Variants in ASIC2 observed in about 807,000 individuals in gnomAD.
The protein encoded by ASIC2 is acid-sensing ion channel 2.
In ASIC2, 25 loss-of-function variants were observed where a neutral mutation model predicts 57.3. The observed-to-expected ratio is 0.44, with a 90% CI of 0.32 to 0.61. ASIC2 has a LOEUF of 0.61. ASIC2 is among the 20% of genes least tolerant of loss of function. The pLI is 0.06. For missense variants in ASIC2, 641 were observed against 738.1 expected, an observed-to-expected ratio of 0.87 and a Z score of 1.52; for synonymous variants, 319 against 307.5, an observed-to-expected ratio of 1.04 and a Z score of -0.39.
chr17:33,800,247 C>A (rs897520888), intron 1 of ASIC2, among the ~76,000 whole-genome samples: 5 of 152,126 alleles, frequency 3.3e-5, no homozygotes, highest in South Asian at 4.1e-4. Flanking sequence ...TTCCGATTTC[C>A]TAAAGAAGTT....
chr17:33,534,807 A>G (rs1347632876), intron 1 of ASIC2, among the ~76,000 whole-genome samples: 1 of 152,172 alleles, frequency 6.6e-6, no homozygotes, highest in Admixed American at 6.5e-5. Context: ...TGCTCTTACT[A>G]TTTGGCCTCA....
Position 33,529,416 on chromosome 17 carries a change from C to T in ASIC2, c.556-417349G>A, listed in dbSNP as rs564352713. 5.6e-4 allele frequency among the ~76,000 whole-genome samples: 86 copies of T among 152,274 alleles called. 2 individuals are homozygous for T. The South Asian group carries it at 6.2e-3, about 11-fold the overall frequency. ...TCTTCATGTGTGCTCCCTGGGCCAGCGGCATCAGCATCAACATCACCTGGG... is the reference window on the plus strand; with the variant it reads ...TCTTCATGTGTGCTCCCTGGGCCAGTGGCATCAGCATCAACATCACCTGGG... On this transcript the variant is annotated intron_variant, in intron 1 of 9. Transcript: ENST00000359872.
intron 1 of ASIC2, among the ~76,000 whole-genome samples, chr17:33,647,441 C>G (rs1253726132): frequency 6.6e-6 from 1 of 152,178 alleles, no homozygotes; most frequent in Non-Finnish European, 1.5e-5. Flanking sequence ...TTGCACCACA[C>G]CCCAAGACGC....
intron 1 of ASIC2, among the ~76,000 whole-genome samples, chr17:33,613,484 C>G (rs1905484756): frequency 6.6e-6 from 1 of 151,754 alleles, no homozygotes; most frequent in African/African-American, 2.4e-5. Flanking sequence ...CCTGCCTCAG[C>G]CTCACGAGTA....
At chr17:33,115,729 A>T (rs1011317831) in intron 1 of ASIC2, among the ~76,000 whole-genome samples, 1 of 152,140 alleles carries the variant, frequency 6.6e-6, no homozygotes, top group African/African-American at 2.4e-5. Context: ...TTTCCATTAT[A>T]GTGTCTATCA....
At chr17:33,584,859 T>C (rs182733321) in intron 1 of ASIC2, among the ~76,000 whole-genome samples, 1 of 152,026 alleles carries the variant, frequency 6.6e-6, no homozygotes, top group East Asian at 1.9e-4. Context: ...GAAAGACCCA[T>C]GAGAGAGACA....
intron 1 of ASIC2, among the ~76,000 whole-genome samples, chr17:33,413,455 GCTGCCCA>G (rs1910733162): frequency 6.6e-6 from 1 of 152,146 alleles, no homozygotes; most frequent in African/African-American, 2.4e-5. Context: ...ATCTCTCCAA[GCTGCCCA>G]CTTCTCTCCC....
chr17:34,068,071 C>A, intron 1 of ASIC2, among the ~76,000 whole-genome samples: 1 of 152,198 alleles, frequency 6.6e-6, no homozygotes, highest in East Asian at 1.9e-4. Flanking sequence ...TTTCAAAAGG[C>A]AGACCAAGAA....
At chr17:33,214,290 C>T (rs533998264) in intron 1 of ASIC2, among the ~76,000 whole-genome samples, 42 of 152,176 alleles carry the variant, frequency 2.8e-4, no homozygotes, top group African/African-American at 8.7e-4. Flanking sequence ...TTGGCTGTCT[C>T]CTCCCCAAGA....
At chr17:33,992,814 G>A (rs943163863) in intron 1 of ASIC2, among the ~76,000 whole-genome samples, 2 of 152,204 alleles carry the variant, frequency 1.3e-5, no homozygotes, top group South Asian at 2.1e-4. Context: ...TAATAAGAAC[G>A]TAGTTGAGAT....
At chr17:34,035,096 C>G (rs1273726004) in intron 1 of ASIC2, among the ~76,000 whole-genome samples, 1 of 150,680 alleles carries the variant, frequency 6.6e-6, no homozygotes, top group Non-Finnish European at 1.5e-5. Context: ...ATCACGCTAC[C>G]TGACTTCAAA....
intron 1 of ASIC2, among the ~76,000 whole-genome samples, chr17:33,602,295 T>C (rs1309309394): frequency 6.6e-6 from 1 of 152,228 alleles, no homozygotes; most frequent in Non-Finnish European, 1.5e-5. Context: ...TAATCCTTAA[T>C]GCAACGGTGT....
intron 1 of ASIC2, among the ~76,000 whole-genome samples, chr17:33,984,834 A>C (rs1905759551): frequency 6.6e-6 from 1 of 152,226 alleles, no homozygotes; most frequent in South Asian, 2.1e-4. Context: ...GATGTTTCTG[A>C]GCACAAGAGT....
At chr17:33,871,281 A>C (rs1914398394) in intron 1 of ASIC2, among the ~76,000 whole-genome samples, 1 of 152,224 alleles carries the variant, frequency 6.6e-6, no homozygotes, top group Admixed American at 6.5e-5. Flanking sequence ...GCAGCAAGTT[A>C]ACACCTTGAA....
chr17:33,861,637 T>C (rs533970866), intron 1 of ASIC2, among the ~76,000 whole-genome samples: 1 of 152,334 alleles, frequency 6.6e-6, no homozygotes, highest in East Asian at 1.9e-4. Flanking sequence ...AGCCTACCTC[T>C]TTTCTTCCCA....
At chr17:33,453,284 GA>G (rs3057620) in intron 1 of ASIC2, among the ~76,000 whole-genome samples, 15,037 of 129,470 alleles carry the variant, frequency 0.12, 789 homozygotes, top group Non-Finnish European at 0.14. Context: ...CAAAGCAGGT[GA>G]AAAAAAAAAA....
At chr17:33,518,526 G>A (rs531827581) in intron 1 of ASIC2, among the ~76,000 whole-genome samples, 4 of 152,260 alleles carry the variant, frequency 2.6e-5, no homozygotes, top group Admixed American at 1.3e-4. Flanking sequence ...TCCATTTGCC[G>A]TGTGGCCTCC....
chr17:33,419,784 C>T (rs1910981962), intron 1 of ASIC2, among the ~76,000 whole-genome samples: 1 of 151,634 alleles, frequency 6.6e-6, no homozygotes, highest in South Asian at 2.1e-4. Flanking sequence ...TATGATTCAT[C>T]AAAAAGATGG....
At chr17:33,964,880 T>C (rs550388880) in intron 1 of ASIC2, among the ~76,000 whole-genome samples, 40 of 152,308 alleles carry the variant, frequency 2.6e-4, no homozygotes, top group African/African-American at 9.1e-4. Context: ...AAGTTGCTGT[T>C]CTTCTCTTGA....
Sources: allele counts gnomAD v4.1 joint callset (sites outside exome capture counted in the v4.1 genomes callset), GRCh38; gene constraint gnomAD v4.1.1; transcripts MANE v1.5; gene names NCBI Gene and HGNC (gene_info 2026-07-23, HGNC 2026-07-21).